The following ARAP2 variants were observed in gnomAD, a reference collection of about 807,000 sequenced individuals.
ARAP2 encodes arf-GAP with Rho-GAP domain, ANK repeat and PH domain-containing protein 2.
A neutral mutation model predicts 194.5 loss-of-function variants in ARAP2; 148 were observed. That is an observed-to-expected ratio of 0.76 (90% CI 0.67 to 0.87). The LOEUF is 0.87. ARAP2 is among the 40% of genes least tolerant of loss of function. ARAP2 has a pLI of 0.00. For missense variants in ARAP2, 2,128 were observed against 1,989.7 expected, an observed-to-expected ratio of 1.07 and a Z score of -1.32; for synonymous variants, 695 against 683.5, an observed-to-expected ratio of 1.02 and a Z score of -0.26.
At position 36,210,510 on chromosome 4, in the gene ARAP2, G is replaced by T. The variant is rs753281849; in HGVS notation, c.1367C>A (p.Thr456Lys). ...GGCTGATGAATCAGCATTTCCACTT[G>T]TTGAGCTTAACGGATAACTGTGCCT... ...VNRHSYPLSS[T>K]SGNADSSAVS... The change falls in exon 6 of 33, where the codon ACA (threonine) becomes AAA (lysine). Residue 456 changes from threonine to lysine, a missense_variant. Physicochemically the swap from Thr to Lys is moderately conservative, Grantham distance 78. Coordinates refer to ENST00000303965, the MANE Select transcript of ARAP2 (RefSeq NM_015230.4). 1 of 1,613,816 alleles carries T rather than the reference G, an allele frequency of 6.2e-7. No homozygotes were observed. Among genetic ancestry groups the T allele is most frequent in the East Asian group, 2.2e-5 (1 of 44,864 alleles).
chr4:36,062,289 G>T (rs2109278380), downstream of ARAP2, among the ~76,000 whole-genome samples: 1 of 152,294 alleles, frequency 6.6e-6, no homozygotes, highest in South Asian at 2.1e-4. Context: ...GGGAGGAATG[G>T]TGTTGATTCA....
chr4:36,163,893 T>C (rs1247023048), intron 11 of ARAP2, among the ~76,000 whole-genome samples: 1 of 152,164 alleles, frequency 6.6e-6, no homozygotes, highest in African/African-American at 2.4e-5. Context: ...TTGTGATTGA[T>C]ATTATTAATT....
intron 5 of ARAP2, among the ~76,000 whole-genome samples, chr4:36,027,196 C>G (rs1718061605): frequency 6.6e-6 from 1 of 152,078 alleles, no homozygotes; most frequent in South Asian, 2.1e-4. Flanking sequence ...ATTTCATTCT[C>G]AAAATAACTC....
chr4:36,143,157 T>A (rs933663397), intron 19 of ARAP2, among the ~76,000 whole-genome samples: 1 of 151,786 alleles, frequency 6.6e-6, no homozygotes, highest in Non-Finnish European at 1.5e-5. Flanking sequence ...GTCTTTGTTC[T>A]TGTTCTATCA....
At chr4:36,018,389 T>C (rs1286593172) in intron 6 of ARAP2, among the ~76,000 whole-genome samples, 1 of 150,568 alleles carries the variant, frequency 6.6e-6, no homozygotes, top group Non-Finnish European at 1.5e-5. Context: ...AACAGCAATG[T>C]AGAACTGTTG....
chr4:36,162,530 T>C (rs1289610649), intron 11 of ARAP2, among the ~76,000 whole-genome samples: 1 of 152,036 alleles, frequency 6.6e-6, no homozygotes, highest in Non-Finnish European at 1.5e-5. Flanking sequence ...CCACTATCCT[T>C]GATCTTAAGG....
chr4:36,207,360 A>T (rs1348885102), intron 6 of ARAP2, among the ~76,000 whole-genome samples: 1 of 152,190 alleles, frequency 6.6e-6, no homozygotes, highest in African/African-American at 2.4e-5. Flanking sequence ...CAGCCCCCCA[A>T]ATTCAACATT....
At chr4:36,098,829 G>T (rs1044856674) in intron 27 of ARAP2, among the ~76,000 whole-genome samples, 4 of 151,872 alleles carry the variant, frequency 2.6e-5, no homozygotes, top group African/African-American at 9.7e-5. Context: ...ACTCCAAGAT[G>T]TAATATCACC....
intron 28 of ARAP2, among the ~76,000 whole-genome samples, chr4:36,089,608 A>C (rs910224020): frequency 6.6e-6 from 1 of 152,110 alleles, no homozygotes; most frequent in African/African-American, 2.4e-5. Flanking sequence ...GGGTGTTATC[A>C]CTGTTAAGAT....
At position 36,228,971 on chromosome 4, in the gene ARAP2, A is replaced by T. The variant is rs758758963; in HGVS notation, c.516T>A (p.Gly172=). 4 of 1,613,960 alleles carry T rather than the reference A, an allele frequency of 2.5e-6. No individual in the cohort carries two copies. The highest frequency in any genetic ancestry group is 3.4e-6 in the Non-Finnish European group (4 of 1,180,010). The change falls in exon 2 of 33, where the codon GGT becomes GGA. Residue 172 remains glycine, a synonymous_variant. Coordinates refer to ENST00000303965, the MANE Select transcript of ARAP2 (RefSeq NM_015230.4). ...ATGATTCTATTTTAATATTGTCACT[A>T]CCAAATAAAGAATCATTCAAAGAAC... is the stretch of plus-strand genomic sequence containing the variant. The part of the protein sequence containing the change: ...NLGSLNDSLF[G]SDNIKIESLI...
At chr4:36,165,936 T>C (rs547072599) in intron 10 of ARAP2, among the ~76,000 whole-genome samples, 2 of 152,262 alleles carry the variant, frequency 1.3e-5, no homozygotes, top group African/African-American at 4.8e-5. Flanking sequence ...TCCTTAAAAA[T>C]AAATGGCCTA....
chr4:36,101,391 C>T (rs1716880939), intron 27 of ARAP2, among the ~76,000 whole-genome samples: 2 of 30,074 alleles, frequency 6.7e-5, no homozygotes, highest in Admixed American at 3.2e-4. Flanking sequence ...TACAAAAGTA[C>T]CAGAGTTTTT....
intron 1 of ARAP2, among the ~76,000 whole-genome samples, chr4:36,234,239 A>G (rs552191488): frequency 1.3e-5 from 2 of 152,342 alleles, no homozygotes; most frequent in Admixed American, 1.3e-4. Context: ...AGAGTTCTGG[A>G]GGATGGGAAG....
chr4:36,217,337 C>G (rs1313382859), intron 2 of ARAP2, among the ~76,000 whole-genome samples: 1 of 152,118 alleles, frequency 6.6e-6, no homozygotes, highest in African/African-American at 2.4e-5. Flanking sequence ...CATGGAGAAA[C>G]CCCATATCTA....
intron 1 of ARAP2, among the ~76,000 whole-genome samples, chr4:36,240,607 T>C (rs1753325921): frequency 6.6e-6 from 1 of 152,144 alleles, no homozygotes; most frequent in African/African-American, 2.4e-5. Context: ...CACGGGGATA[T>C]TTTGAGGATG....
chr4:36,133,057 T>C (rs1348423337), intron 20 of ARAP2, among the ~76,000 whole-genome samples, 169 bp downstream of exon 20: 2 of 151,780 alleles, frequency 1.3e-5, no homozygotes, highest in African/African-American at 2.4e-5. Context: ...ATGAGTCTTA[T>C]TGGGAGAAGG....
intron 3 of ARAP2, among the ~76,000 whole-genome samples, chr4:36,050,298 T>C (rs923736560): frequency 6.6e-6 from 1 of 152,226 alleles, no homozygotes; most frequent in Non-Finnish European, 1.5e-5. Context: ...AACCATATCA[T>C]CTGAAACTCA....
chr4:36,216,723 G>C (rs926717508), intron 2 of ARAP2, among the ~76,000 whole-genome samples: 1 of 151,772 alleles, frequency 6.6e-6, no homozygotes. Context: ...CTACTACCCA[G>C]CTGAAAGAAA....
chr4:36,046,191 C>G (rs1356505469), intron 4 of ARAP2: 1 of 153,196 alleles, frequency 6.5e-6, no homozygotes, highest in Admixed American at 6.5e-5. Flanking sequence ...TTCTCTCTCT[C>G]TCTCTGTTTT....
Sources: allele counts gnomAD v4.1 joint callset (sites outside exome capture counted in the v4.1 genomes callset), GRCh38; gene constraint gnomAD v4.1.1; transcripts MANE v1.5; gene names NCBI Gene and HGNC (gene_info 2026-07-23, HGNC 2026-07-21).